Variants in ZIC5 observed in about 807,000 individuals in gnomAD.
The protein encoded by ZIC5 is Zic family zinc finger 5.
In ZIC5, 20 loss-of-function variants were observed where a neutral mutation model predicts 28.5. The observed-to-expected ratio is 0.70, with a 90% CI of 0.49 to 1.02. The LOEUF (loss-of-function observed/expected upper bound fraction) is 1.02, where lower values mean the gene tolerates loss of function less well. ZIC5 is among the 50% of genes least tolerant of loss of function. The pLI is 0.00. For synonymous variants in ZIC5, 488 were observed against 410.4 expected (o/e 1.19, Z -2.29); for missense variants, 951 against 899.7 (o/e 1.06, Z -0.73).
intron 1 of ZIC5, among the ~76,000 whole-genome samples, chr13:99,968,799 C>G (rs1029512795): frequency 1.3e-5 from 2 of 152,128 alleles, no homozygotes; most frequent in Non-Finnish European, 2.9e-5. Context: ...CGGACTGATC[C>G]CGATTAGAGA....
At chr13:99,969,089 G>A (rs2053124661) in intron 1 of ZIC5, among the ~76,000 whole-genome samples, 1 of 152,232 alleles carries the variant, frequency 6.6e-6, no homozygotes, top group Non-Finnish European at 1.5e-5. Context: ...GCTCATCAGC[G>A]CTTCCGCCCG....
Position 99,970,135 on chromosome 13 carries a change from G to C in ZIC5, c.1469C>G (p.Thr490Ser), listed in dbSNP as rs1215470873. The C allele has an allele frequency of 1.2e-6, 2 of 1,605,696 alleles. No individual in the cohort carries two copies. The highest frequency in any genetic ancestry group is 1.7e-6 in the Non-Finnish European group (2 of 1,177,068). Reference sequence around the variant, plus strand: ...CGGGGACAGACACCCACCTGTATGAGTACGCTTGTGGATCTTGAGGTTCTC... The same window carrying C: ...CGGGGACAGACACCCACCTGTATGACTACGCTTGTGGATCTTGAGGTTCTC... The part of the protein sequence containing the change: ...RSENLKIHKR[T>S]HTGEKPFKCE... Residue 490 changes from threonine (T) to serine (S), a missense_variant, in exon 1 of 2, where the codon ACT (threonine) becomes AGT (serine). Thr to Ser is a moderately conservative substitution (Grantham distance 58, BLOSUM62 1). Transcript: ENST00000267294.
At chr13:99,970,034 C>T in intron 1 of ZIC5, 93 bp downstream of exon 1, 2 of 1,567,624 alleles carry the variant, frequency 1.3e-6, no homozygotes, top group Admixed American at 2.0e-5. Context: ...AAAATTAAGG[C>T]GAGCAGGAGG....
Position 99,970,381 on chromosome 13 carries a change from G to C in ZIC5, c.1223C>G (p.Ser408Cys). The change falls in exon 1 of 2, where the codon TCC becomes TGC. Residue 408 changes from serine (S) to cysteine (C), a missense_variant. By Grantham distance (112) the Ser-to-Cys change is moderately radical (BLOSUM62 -1). Around this residue, in one of 3 missense-constraint regions of ZIC5, gnomAD observed 784 missense variants for 660.1 expected, o/e 1.19. Coordinates refer to ENST00000267294, the MANE Select transcript of ZIC5 (RefSeq NM_033132.5). Reference protein sequence around the residue: ...PPPAGGAKPCSKTFGTMHELV... With the variant: ...PPPAGGAKPCCKTFGTMHELV... ...CTCGTGCATGGTGCCGAAAGTTTTG[G>C]AGCAGGGCTTGGCGCCGCCGGCCGG... 3 of 1,521,170 alleles carry C rather than the reference G, an allele frequency of 2.0e-6. No individual in the cohort carries two copies. The highest frequency in any genetic ancestry group is 1.5e-5 in the African/African-American group (1 of 66,036). The allele number at this position is 1,521,170 out of a possible 1,614,324, so 94.2% of individuals were successfully genotyped here.
chr13:99,967,260 G>A (rs1212712256), intron 1 of ZIC5, among the ~76,000 whole-genome samples: 3 of 152,150 alleles, frequency 2.0e-5, no homozygotes, highest in Non-Finnish European at 4.4e-5. Context: ...TATTCAGGCA[G>A]ATGCCTGGAA....
rs575317644 is a variant in ZIC5 at position 99,963,086 on chromosome 13, G to A, written c.*2291C>T. 1 of 152,412 alleles carries A rather than the reference G, an allele frequency of 6.6e-6. No individual in the cohort carries two copies. Among genetic ancestry groups the A allele is most frequent in the East Asian group, 1.9e-4 (1 of 5,196 alleles). The allele number at this position is 152,412 out of a possible 1,614,324, so 9.4% of individuals were successfully genotyped here. A position where few individuals can be genotyped will look rare whatever the true frequency, so the allele number is the denominator to read the frequency against. On this transcript the variant is annotated 3_prime_UTR_variant, in exon 2 of 2. Transcript: ENST00000267294. ...AATCATTCTTGCTTGCTCTCTATTG[G>A]AGGTACACATTTTTTTTTATTTTAG...
intron 1 of ZIC5, among the ~76,000 whole-genome samples, chr13:99,969,817 T>G (rs1594283906): frequency 6.6e-6 from 1 of 151,186 alleles, no homozygotes; most frequent in South Asian, 2.1e-4. Context: ...TGCTCCGAGG[T>G]GGCGGCGGCG....
In ZIC5 at chr13:99,971,203, G is replaced by A. The variant is rs1402015219; in HGVS notation, c.401C>T (p.Pro134Leu). 1 of 1,093,142 alleles carries A rather than the reference G, an allele frequency of 9.1e-7. No homozygotes were observed. The highest frequency in any genetic ancestry group is 1.7e-5 in the African/African-American group (1 of 58,984). 67.7% of individuals were successfully genotyped at this position (1,093,142 alleles called of 1,614,324 possible). The part of the protein sequence containing the change: ...SAPPPPAPPL[P>L]PTPSPPPPPP... ...AGGGGGAGGGGGTGAAGGGGTGGGA[G>A]GAAGAGGAGGGGCTGGGGGCGGGGG... The change falls in exon 1 of 2, where the codon CCT becomes CTT. Residue 134 changes from proline (P) to leucine (L), a missense_variant. By Grantham distance (98) the Pro-to-Leu change is moderately conservative. Around this residue, in one of 3 missense-constraint regions of ZIC5, gnomAD observed 784 missense variants for 660.1 expected, o/e 1.19. Coordinates refer to ENST00000267294, the MANE Select transcript of ZIC5 (RefSeq NM_033132.5).
intron 1 of ZIC5, among the ~76,000 whole-genome samples, chr13:99,968,144 C>T (rs902458166): frequency 1.3e-5 from 2 of 152,160 alleles, no homozygotes; most frequent in Admixed American, 6.5e-5. Flanking sequence ...TCCGGGATCC[C>T]GGATAACCCC....
In ZIC5 at chr13:99,971,760, G is replaced by A; in HGVS notation, c.-157C>T. The stretch of plus-strand genomic sequence containing the variant: ...GTTCCCACTCTATCCTCCAGCGATT[G>A]GCAGAGTGAACACCACATTTGAGCT... On this transcript the variant is annotated 5_prime_UTR_variant, in exon 1 of 2. Coordinates refer to ENST00000267294, the MANE Select transcript of ZIC5 (RefSeq NM_033132.5). 3.3e-6 allele frequency: 5 copies of A among 1,514,790 alleles called. No homozygotes were observed. The highest frequency in any genetic ancestry group is 4.5e-6 in the Non-Finnish European group (5 of 1,116,898). 93.8% of individuals were successfully genotyped at this position (1,514,790 alleles called of 1,614,324 possible). A position where few individuals can be genotyped will look rare whatever the true frequency, so the allele number is the denominator to read the frequency against.
Position 99,970,458 on chromosome 13 carries a change from C to T in ZIC5, c.1146G>A (p.Leu382=). 1 of 1,078,958 alleles carries T rather than the reference C, an allele frequency of 9.3e-7. No individual in the cohort carries two copies. 66.8% of individuals were successfully genotyped at this position (1,078,958 alleles called of 1,614,324 possible). ...LICKWIDPDE[L]AGLPPPPPPP... is the part of the protein sequence containing the mutation. ...GCGGCGGCGGCGGCGGCAGCCCGGCCAGCTCGTCGGGGTCGATCCACTTGC... is the reference window on the plus strand; with the variant it reads ...GCGGCGGCGGCGGCGGCAGCCCGGCTAGCTCGTCGGGGTCGATCCACTTGC... Residue 382 remains leucine (L), a synonymous_variant, in exon 1 of 2, where the codon CTG becomes CTA. Coordinates refer to ENST00000267294, the MANE Select transcript of ZIC5 (RefSeq NM_033132.5).
Position 99,971,185 on chromosome 13 carries a change from G to A in ZIC5, c.419C>T (p.Pro140Leu). The A allele has an allele frequency of 7.6e-7, 1 of 1,323,750 alleles. No homozygotes were observed. The highest frequency in any genetic ancestry group is 1.6e-5 in the African/African-American group (1 of 64,120). The allele number at this position is 1,323,750 out of a possible 1,614,324, so 82.0% of individuals were successfully genotyped here. Residue 140 changes from proline to leucine, a missense_variant, in exon 1 of 2, where the codon CCT (proline) becomes CTT (leucine). Coordinates refer to ENST00000267294, the MANE Select transcript of ZIC5 (RefSeq NM_033132.5). Reference sequence around the variant, plus strand: ...AGGAGGAGGAGGCGGGGGAGGGGGAGGGGGTGAAGGGGTGGGAGGAAGAGG... The same window carrying A: ...AGGAGGAGGAGGCGGGGGAGGGGGAAGGGGTGAAGGGGTGGGAGGAAGAGG... ...APPLPPTPSPPPPPPPPPPPA... is the reference protein window; with the variant it reads ...APPLPPTPSPLPPPPPPPPPA...
rs1272952399 is a variant in ZIC5 at position 99,970,986 on chromosome 13, G to A, written c.618C>T (p.His206=). The A allele has an allele frequency of 1.4e-6, 2 of 1,404,456 alleles. No individual in the cohort carries two copies. Among genetic ancestry groups the A allele is most frequent in the Non-Finnish European group, 1.8e-6 (2 of 1,091,730 alleles). The allele number at this position is 1,404,456 out of a possible 1,614,324, so 87.0% of individuals were successfully genotyped here. ...CGGCCGAGTGGGGAGGCGGGGCCGGGTGCTGGGGGGAGCCGGTGCCGGACC... is the reference window on the plus strand; with the variant it reads ...CGGCCGAGTGGGGAGGCGGGGCCGGATGCTGGGGGGAGCCGGTGCCGGACC... ...EQRSGTGSPQ[H]PAPPPHSAGM... The change falls in exon 1 of 2, where the codon CAC becomes CAT. Residue 206 remains histidine, a synonymous_variant. Coordinates refer to ENST00000267294, the MANE Select transcript of ZIC5 (RefSeq NM_033132.5).
At chr13:99,971,794 G>C, upstream of ZIC5, 1 of 1,349,878 alleles carries the variant, frequency 7.4e-7, no homozygotes, top group Non-Finnish European at 1.0e-6. Context: ...CTGCACAGTG[G>C]GACCGAGATT....
intron 1 of ZIC5, among the ~76,000 whole-genome samples, chr13:99,968,275 G>A (rs1377078405): frequency 2.0e-5 from 3 of 152,234 alleles, no homozygotes; most frequent in Admixed American, 6.5e-5. Flanking sequence ...GTTGGAGTCT[G>A]AACCCGAGGC....
chr13:99,968,946 G>A (rs1417882880), intron 1 of ZIC5, among the ~76,000 whole-genome samples: 1 of 152,220 alleles, frequency 6.6e-6, no homozygotes, highest in African/African-American at 2.4e-5. Flanking sequence ...CCGAGCGTGG[G>A]ACCCGGCGGC....
rs780081918 is a variant in ZIC5, at chr13:99,970,395, G to A, written c.1209C>T (p.Gly403=). 5.2e-6 allele frequency: 7 copies of A among 1,347,668 alleles called. No individual in the cohort carries two copies. Among genetic ancestry groups the A allele is most frequent in the Non-Finnish European group, 6.7e-6 (7 of 1,041,550 alleles). The allele number at this position is 1,347,668 out of a possible 1,614,324, so 83.5% of individuals were successfully genotyped here. ...CGAAAGTTTTGGAGCAGGGCTTGGC[G>A]CCGCCGGCCGGGGGCGGTGGCGGCG... ...PPPPPPPPAG[G]AKPCSKTFGT... is the part of the protein sequence containing the mutation. The change falls in exon 1 of 2, where the codon GGC becomes GGT. Residue 403 remains glycine, a synonymous_variant. Transcript: ENST00000267294.
upstream of ZIC5, chr13:99,971,872 C>T (rs965623242): frequency 2.9e-6 from 2 of 686,696 alleles, no homozygotes; most frequent in Non-Finnish European, 4.8e-6. Context: ...GCTCGATTGG[C>T]TCCCGTTCAG....
At position 99,965,021 on chromosome 13, in the gene ZIC5, GTA is replaced by G. The variant is rs35260873; in HGVS notation, c.*354_*355del. On this transcript the variant is annotated 3_prime_UTR_variant, in exon 2 of 2. Coordinates refer to ENST00000267294, the MANE Select transcript of ZIC5 (RefSeq NM_033132.5). ...TAAAAAAAATAATATATATATATAT[GTA>G]TATATATATATATATATATATTGCA... 39,134 of 135,724 alleles carry G rather than the reference GTA, an allele frequency of 0.29. 5,628 individuals carry two copies. The highest frequency in any genetic ancestry group is 0.35 in the African/African-American group (12,940 of 36,596). 8.4% of individuals were successfully genotyped at this position (135,724 alleles called of 1,614,324 possible).
Sources: allele counts gnomAD v4.1 joint callset (sites outside exome capture counted in the v4.1 genomes callset), GRCh38; gene constraint gnomAD v4.1.1; regional missense constraint gnomAD v4.1.1; transcripts MANE v1.5; gene names NCBI Gene and HGNC (gene_info 2026-07-23, HGNC 2026-07-21).